The following EFR3B variants were observed in gnomAD, a reference collection of about 807,000 sequenced individuals.
EFR3B encodes EFR3 homolog B, also known as protein EFR3 homolog B.
Under a neutral mutation model 104.7 loss-of-function variants are expected in EFR3B, and 64 were observed. The observed-to-expected ratio is 0.61, with a 90% confidence interval of 0.50 to 0.75. The LOEUF (loss-of-function observed/expected upper bound fraction) is 0.75. EFR3B is among the 30% of genes least tolerant of loss of function. The pLI is 0.00. For missense variants in EFR3B, 750 were observed against 1,078.5 expected (o/e 0.70, Z 4.27); for synonymous variants, 385 against 417.9 (o/e 0.92, Z 0.96).
At chr2:25,125,497 C>T (rs916681602) in intron 5 of EFR3B, among the ~76,000 whole-genome samples, 1 of 152,218 alleles carries the variant, frequency 6.6e-6, no homozygotes, top group Non-Finnish European at 1.5e-5. Flanking sequence ...TGGTCAGGGT[C>T]AGGACAGCGT....
chr2:25,046,704 C>G (rs561975088), intron 1 of EFR3B, among the ~76,000 whole-genome samples: 69 of 151,476 alleles, frequency 4.6e-4, no homozygotes, highest in Non-Finnish European at 7.5e-4. Flanking sequence ...GGGGTTTCAC[C>G]GTGTTAGCCA....
At position 25,131,937 on chromosome 2, in the gene EFR3B, G is replaced by A. The variant is rs1232170566; in HGVS notation, c.1147+26G>A. ...GTGCGGCGCGGGGCCGGGCCGGGGC[G>A]GGGCGGGGCCGAGGCGCGGAGTGGG... On this transcript the variant is annotated intron_variant, in intron 10 of 22. Coordinates refer to ENST00000403714, the MANE Select transcript of EFR3B (RefSeq NM_014971.2). The surrounding 1 kb of genome is among the most constrained non-coding windows in gnomAD (Gnocchi z 7.6). 3 of 1,452,250 alleles carry A rather than the reference G, an allele frequency of 2.1e-6. No homozygotes were observed. Among genetic ancestry groups the A allele is most frequent in the South Asian group, 1.4e-5 (1 of 70,948 alleles). 90.0% of individuals were successfully genotyped at this position (1,452,250 alleles called of 1,614,324 possible).
Position 25,143,881 on chromosome 2 carries a change from G to C in EFR3B, c.2050+19G>C, listed in dbSNP as rs1327299126. On this transcript the variant is annotated intron_variant, in intron 18 of 22. Transcript: ENST00000403714. ...CTGACAGGTATGAGTTCTGTGCAGG[G>C]ATGCCCGGGCCTGCCTCTGTCTTTA... 6.5e-7 allele frequency: 1 copy of C among 1,549,634 alleles called. No homozygotes were observed. The highest frequency in any genetic ancestry group is 1.4e-5 in the African/African-American group (1 of 73,020).
chr2:25,134,113 G>A (rs764938347), intron 12 of EFR3B, among the ~76,000 whole-genome samples: 58 of 151,934 alleles, frequency 3.8e-4, no homozygotes, highest in Non-Finnish European at 5.6e-4. Context: ...AGCTACAACA[G>A]TAATTGTCTA....
At chr2:25,117,898 T>C (rs1669905565) in intron 4 of EFR3B, among the ~76,000 whole-genome samples, 2 of 152,168 alleles carry the variant, frequency 1.3e-5, no homozygotes, top group South Asian at 4.1e-4. Context: ...GTCTCCCTAT[T>C]TCCACTCCCC....
chr2:25,081,441 A>G, intron 1 of EFR3B: 2 of 1,431,072 alleles, frequency 1.4e-6, no homozygotes, highest in Non-Finnish European at 2.0e-6. Flanking sequence ...CAATTGCATA[A>G]GCTTCATCTG....
chr2:25,073,420 C>T (rs940767410), intron 1 of EFR3B, among the ~76,000 whole-genome samples: 11 of 149,126 alleles, frequency 7.4e-5, no homozygotes, highest in African/African-American at 2.0e-4. Flanking sequence ...TACAGTGGTG[C>T]GATCTCAGCT....
intron 1 of EFR3B, among the ~76,000 whole-genome samples, chr2:25,060,208 A>G (rs759404668): frequency 2.0e-5 from 3 of 152,224 alleles, no homozygotes; most frequent in Non-Finnish European, 2.9e-5. Context: ...AAAAAAAGAA[A>G]AGGCTAAAAT....
At chr2:25,088,774 C>A (rs1430361461) in intron 1 of EFR3B, among the ~76,000 whole-genome samples, 2 of 152,154 alleles carry the variant, frequency 1.3e-5, no homozygotes, top group Non-Finnish European at 2.9e-5. Context: ...CAGGATTTGA[C>A]CTGAGAGCCC....
chr2:25,154,631 C>CG lies in EFR3B; in HGVS notation c.*297dup, dbSNP rs1270620474. The CG allele has an allele frequency of 1.1e-5, 4 of 350,930 alleles. No homozygotes were observed. The highest frequency in any genetic ancestry group is 2.0e-5 in the Non-Finnish European group (4 of 195,432). 21.7% of individuals were successfully genotyped at this position (350,930 alleles called of 1,614,324 possible). A position where few individuals can be genotyped will look rare whatever the true frequency, so the allele number is the denominator to read the frequency against. On this transcript the variant is annotated 3_prime_UTR_variant, in exon 23 of 23. Coordinates refer to ENST00000403714, the MANE Select transcript of EFR3B (RefSeq NM_014971.2). This position sits in a 1 kb window ranked among gnomAD's most constrained non-coding sequence, Gnocchi z 4.1. ...TCATGGGGTGTCTCTCAGGAGAAGC[C>CG]GGGGGGAGGGGGCTGAGAAGCTCCT...
Position 25,048,335 on chromosome 2 carries a change from C to CT in EFR3B, c.7+6024dup, listed in dbSNP as rs566507621. 1.9e-3 allele frequency among the ~76,000 whole-genome samples: 283 copies of CT among 152,152 alleles called. 2 individuals are homozygous for CT. The highest frequency in any genetic ancestry group is 6.1e-3 in the African/African-American group (253 of 41,502). On this transcript the variant is annotated intron_variant, in intron 1 of 22. Transcript: ENST00000403714. ...GGCCTGGAATCATTCATTTTATATC[C>CT]TTTTTTTTAAAATTAGCACTAGAAT...
intron 5 of EFR3B, among the ~76,000 whole-genome samples, chr2:25,123,506 G>A (rs966319522): frequency 1.1e-4 from 17 of 152,170 alleles, no homozygotes; most frequent in African/African-American, 4.1e-4. Context: ...AGCCAGGTGT[G>A]GACTCTGCAG....
chr2:25,055,490 C>T (rs1280244898), intron 1 of EFR3B, among the ~76,000 whole-genome samples: 2 of 152,096 alleles, frequency 1.3e-5, no homozygotes, highest in South Asian at 2.1e-4. Flanking sequence ...GTCTTATTAC[C>T]GTGCAGAAGG....
intron 19 of EFR3B, among the ~76,000 whole-genome samples, chr2:25,148,915 C>T (rs1308548376): frequency 1.0e-5 from 1 of 96,576 alleles, no homozygotes; most frequent in South Asian, 3.9e-4. Flanking sequence ...GAGCGAGACT[C>T]CGTCTCAAAA....
rs529232298 is a variant in EFR3B at position 25,157,727 on chromosome 2, T to C, written c.*3387T>C. ...GAGGCAGATCGGCAGAAAGCATCAG[T>C]GTGGTCCCGAGGCTCCCTCTGTTTT... On this transcript the variant is annotated 3_prime_UTR_variant, in exon 23 of 23. Coordinates refer to ENST00000403714, the MANE Select transcript of EFR3B (RefSeq NM_014971.2). 38 of 152,354 alleles carry C rather than the reference T, an allele frequency of 2.5e-4. No individual in the cohort carries two copies. The highest frequency in any genetic ancestry group is 8.9e-4 in the African/African-American group (37 of 41,552). 9.4% of individuals were successfully genotyped at this position (152,354 alleles called of 1,614,324 possible).
At position 25,114,055 on chromosome 2, in the gene EFR3B, A is replaced by G. The variant is rs1355666179; in HGVS notation, c.364-7618A>G. Among the ~76,000 whole-genome samples the G allele has an allele frequency of 6.6e-6, 1 of 152,214 alleles. No individual in the cohort carries two copies. Among genetic ancestry groups the G allele is most frequent in the Non-Finnish European group, 1.5e-5 (1 of 68,042 alleles). ...AGAGGGAAAAGGGCTTACTCGCTCT[A>G]AAACCGGAGAGTCCCAACCTCATCT... On this transcript the variant is annotated intron_variant, in intron 4 of 22. Coordinates refer to ENST00000403714, the MANE Select transcript of EFR3B (RefSeq NM_014971.2). The surrounding 1 kb of genome is among the most constrained non-coding windows in gnomAD (Gnocchi z 4.0).
chr2:25,107,136 A>T (rs952640983), intron 4 of EFR3B, among the ~76,000 whole-genome samples: 3 of 152,070 alleles, frequency 2.0e-5, no homozygotes, highest in Non-Finnish European at 2.9e-5. Flanking sequence ...ATCTATTAAT[A>T]TTCTCCCTAG....
intron 4 of EFR3B, among the ~76,000 whole-genome samples, chr2:25,118,317 T>A (rs1366056025): frequency 6.6e-6 from 1 of 152,184 alleles, no homozygotes; most frequent in East Asian, 1.9e-4. Context: ...ATGAGTGAGA[T>A]CAGGCAGTGT....
chr2:25,053,719 A>G (rs1667944673), intron 1 of EFR3B, among the ~76,000 whole-genome samples: 1 of 152,316 alleles, frequency 6.6e-6, no homozygotes, highest in East Asian at 1.9e-4. Flanking sequence ...CCTGGCCAAC[A>G]TGGTGAATGA....
Sources: gnomAD v4.1 joint callset for allele counts (sites outside exome capture counted in the v4.1 genomes callset) on GRCh38, gnomAD v4.1.1 for gene constraint, Gnocchi (gnomAD v3.1) non-coding constraint, MANE v1.5 for transcripts, NCBI Gene and HGNC (gene_info 2026-07-23, HGNC 2026-07-21) for gene names.